Variants in BMPR2 observed in about 807,000 individuals in gnomAD.
BMPR2 encodes the protein bone morphogenetic protein receptor type 2.
BMPR2 carries 29 observed loss-of-function variants against 100.8 expected under a neutral mutation model. The ratio of observed to expected loss-of-function variants is 0.29; its 90% CI spans 0.21 to 0.39. The LOEUF (loss-of-function observed/expected upper bound fraction) is 0.39, where lower values mean the gene tolerates loss of function less well. Ranked by LOEUF, BMPR2 falls within the 10% of genes least tolerant of loss-of-function variation. The probability of loss-of-function intolerance (pLI) is 1.00; values close to 1 mark genes in which losing one functional copy is unlikely to be tolerated. For missense variants in BMPR2, 1,011 were observed against 1,274.5 expected (o/e 0.79, Z 3.15); for synonymous variants, 382 against 442.3 (o/e 0.86, Z 1.71).
chr2:202,395,431 A>G (rs183518187), intron 1 of BMPR2, among the ~76,000 whole-genome samples: 2 of 152,334 alleles, frequency 1.3e-5, no homozygotes, highest in Admixed American at 6.5e-5. Context: ...AATATATACT[A>G]TGTTTAACTG....
chr2:202,418,426 C>A (rs1691182341), intron 1 of BMPR2, among the ~76,000 whole-genome samples: 3 of 152,144 alleles, frequency 2.0e-5, no homozygotes, highest in Non-Finnish European at 4.4e-5. Flanking sequence ...GACTCAAACT[C>A]TGTAAAATAT....
intron 3 of BMPR2, among the ~76,000 whole-genome samples, chr2:202,499,578 C>T (rs1687330115): frequency 6.6e-6 from 1 of 152,170 alleles, no homozygotes; most frequent in Non-Finnish European, 1.5e-5. Context: ...GAAAATCCTT[C>T]TGCCTTCCTC....
At chr2:202,385,370 T>TTTTTTTTTC (rs1690405477) in intron 1 of BMPR2, among the ~76,000 whole-genome samples, 1 of 142,858 alleles carries the variant, frequency 7.0e-6, no homozygotes, top group Non-Finnish European at 1.5e-5. Flanking sequence ...GCTTTTTTTT[T>TTTTTTTTTC]TTTTTTTTTT....
Position 202,513,792 on chromosome 2 carries a change from G to T in BMPR2, c.492G>T (p.Leu164Phe). The change falls in exon 4 of 13, where the codon TTG becomes TTT. Residue 164 changes from leucine to phenylalanine, a missense_variant. By Grantham distance (22) the Leu-to-Phe change is conservative (BLOSUM62 0). Coordinates refer to ENST00000374580, the MANE Select transcript of BMPR2 (RefSeq NM_001204.7). Reference protein sequence around the residue: ...ALASVSVLAVLIVALCFGYRM... With the variant: ...ALASVSVLAVFIVALCFGYRM... Reference sequence around the variant, plus strand: ...CATCAGTCTCTGTATTAGCTGTTTTGATAGTTGCCTTATGCTTTGGATACA... The same window carrying T: ...CATCAGTCTCTGTATTAGCTGTTTTTATAGTTGCCTTATGCTTTGGATACA... 6.2e-7 allele frequency: 1 copy of T among 1,612,342 alleles called. No homozygotes were observed. The highest frequency in any genetic ancestry group is 1.1e-5 in the South Asian group (1 of 90,942).
chr2:202,543,232 A>ATTTATATACATATATATTTATATATATT (rs1688313222), intron 10 of BMPR2, among the ~76,000 whole-genome samples: 1 of 147,092 alleles, frequency 6.8e-6, no homozygotes, highest in Non-Finnish European at 1.5e-5. Context: ...TTATATATAT[A>ATTTATATACATATATATTTATATATATT]TTTATATACA....
intron 10 of BMPR2, among the ~76,000 whole-genome samples, chr2:202,551,225 G>C (rs1251851378): frequency 6.6e-6 from 1 of 151,790 alleles, no homozygotes; most frequent in South Asian, 2.1e-4. Flanking sequence ...GTTAAAACCA[G>C]CTTTCCCCTG....
At position 202,552,726 on chromosome 2, in the gene BMPR2, C is replaced by A. The variant is rs1085307352; in HGVS notation, c.1424C>A (p.Ser475Ter). The change falls in exon 11 of 13, where the codon TCA (serine) becomes TAA (stop). Residue 475 changes from serine to a stop codon, truncating the protein, a stop_gained. Transcript: ENST00000374580. LOFTEE classifies it high-confidence loss of function. ...AWKENSLAVR[S>*]LKETIEDCWD... is the part of the protein sequence containing the mutation. ...TACTTTGTCTTACAGGCAGTGAGGT[C>A]ACTCAAGGAGACAATCGAAGACTGT... 1 of 1,613,908 alleles carries A rather than the reference C, an allele frequency of 6.2e-7. No homozygotes were observed. The highest frequency in any genetic ancestry group is 8.5e-7 in the Non-Finnish European group (1 of 1,179,938).
intron 1 of BMPR2, among the ~76,000 whole-genome samples, chr2:202,462,839 A>G (rs1692250172): frequency 2.6e-5 from 4 of 151,996 alleles, no homozygotes; most frequent in African/African-American, 9.6e-5. Flanking sequence ...CAGCTCCTGA[A>G]TAGCTGGGAT....
intron 10 of BMPR2, 23 bp downstream of exon 10, chr2:202,542,470 A>C: frequency 1.2e-6 from 2 of 1,612,372 alleles, no homozygotes; most frequent in Non-Finnish European, 1.7e-6. Flanking sequence ...TAAGTTATTA[A>C]AGAGAGGACT....
At chr2:202,550,843 A>G (rs1482177643) in intron 10 of BMPR2, among the ~76,000 whole-genome samples, 1 of 152,018 alleles carries the variant, frequency 6.6e-6, no homozygotes, top group Non-Finnish European at 1.5e-5. Context: ...CCAAAAATAT[A>G]ATAATAGTGG....
intron 1 of BMPR2, among the ~76,000 whole-genome samples, chr2:202,384,524 TTCTTTC>T (rs1302693339): frequency 7.4e-6 from 1 of 135,940 alleles, no homozygotes; most frequent in African/African-American, 2.9e-5. Flanking sequence ...CTTTCTTTCT[TTCTTTC>T]TCTTTCTTTC....
At chr2:202,428,789 A>G (rs1311542213) in intron 1 of BMPR2, among the ~76,000 whole-genome samples, 1 of 152,180 alleles carries the variant, frequency 6.6e-6, no homozygotes, top group Non-Finnish European at 1.5e-5. Flanking sequence ...TCTGTTCTTA[A>G]TATTCTCAAA....
chr2:202,458,357 C>G (rs1445945248), intron 1 of BMPR2, among the ~76,000 whole-genome samples: 1 of 150,110 alleles, frequency 6.7e-6, no homozygotes, highest in East Asian at 2.0e-4. Flanking sequence ...GTGGTCCCAG[C>G]TACTCAGGAG....
intron 1 of BMPR2, among the ~76,000 whole-genome samples, chr2:202,401,040 A>G (rs1293097592): frequency 6.6e-6 from 1 of 152,256 alleles, no homozygotes; most frequent in Non-Finnish European, 1.5e-5. Flanking sequence ...GTGAAAGGGC[A>G]TAAAATGGAA....
intron 3 of BMPR2, among the ~76,000 whole-genome samples, chr2:202,507,568 T>G (rs1687544831): frequency 6.6e-6 from 1 of 152,136 alleles, no homozygotes; most frequent in Non-Finnish European, 1.5e-5. Flanking sequence ...TTTTTATTTT[T>G]TGTAGAGACA....
At chr2:202,525,921 A>G (rs1254871143) in intron 7 of BMPR2, among the ~76,000 whole-genome samples, 1 of 127,424 alleles carries the variant, frequency 7.8e-6, no homozygotes, top group African/African-American at 3.1e-5. Context: ...GCTGGAGTGC[A>G]ATGGTGCGAT....
chr2:202,494,026 A>G (rs1301307076), intron 3 of BMPR2, among the ~76,000 whole-genome samples: 1 of 152,244 alleles, frequency 6.6e-6, no homozygotes, highest in Non-Finnish European at 1.5e-5. Flanking sequence ...TTTTTAGGGC[A>G]TTAAATGTAA....
At chr2:202,388,440 T>G (rs1690479215) in intron 1 of BMPR2, among the ~76,000 whole-genome samples, 1 of 149,738 alleles carries the variant, frequency 6.7e-6, no homozygotes, top group African/African-American at 2.5e-5. Flanking sequence ...TCCATATACT[T>G]AGGTTTGTAA....
chr2:202,543,499 C>G (rs1449415595), intron 10 of BMPR2, among the ~76,000 whole-genome samples: 1 of 151,268 alleles, frequency 6.6e-6, no homozygotes, highest in African/African-American at 2.4e-5. Context: ...TCCATTTGGT[C>G]AGTATTCTAT....
Sources: gnomAD v4.1 joint callset for allele counts (sites outside exome capture counted in the v4.1 genomes callset) on GRCh38, gnomAD v4.1.1 for gene constraint, MANE v1.5 for transcripts, NCBI Gene and HGNC (gene_info 2026-07-23, HGNC 2026-07-21) for gene names.